SLC9A7: variants seen among roughly 807,000 people sequenced by gnomAD.
SLC9A7 encodes the protein solute carrier family 9 member A7.
A neutral mutation model predicts 52.6 loss-of-function variants in SLC9A7; 19 were observed. That is an observed-to-expected ratio of 0.36 (90% CI 0.25 to 0.53). SLC9A7 has a LOEUF of 0.53. SLC9A7 is among the 20% of genes least tolerant of loss of function. The pLI, the probability that SLC9A7 is intolerant of heterozygous loss-of-function variation, is 0.91. For synonymous variants in SLC9A7, 226 were observed against 252.1 expected, an observed-to-expected ratio of 0.90 and a Z score of 0.98; for missense variants, 455 against 597.9, an observed-to-expected ratio of 0.76 and a Z score of 2.49.
chrX:46,656,806 T>C (rs1266317391), intron 7 of SLC9A7, among the ~76,000 whole-genome samples: 6 of 109,459 alleles, frequency 5.5e-5, no homozygotes, highest in Non-Finnish European at 1.1e-4. Context: ...CTGCAGGATA[T>C]TATCCAGGAG....
chrX:46,696,612 CA>C (rs1287840449), intron 1 of SLC9A7, among the ~76,000 whole-genome samples: 2 of 110,906 alleles, frequency 1.8e-5, no homozygotes, highest in Non-Finnish European at 3.8e-5. Flanking sequence ...TGCATGCATT[CA>C]AAAAATATTT....
chrX:46,618,626 C>T (rs764551475), intron 15 of SLC9A7, among the ~76,000 whole-genome samples: 2 of 112,131 alleles, frequency 1.8e-5, no homozygotes, highest in Non-Finnish European at 3.8e-5. Context: ...TGGATTAAGA[C>T]CTTTTGTTCA....
At chrX:46,635,735 C>A (rs1280160751) in intron 12 of SLC9A7, 87 bp from the exon 13 acceptor site, 2 of 659,906 alleles carry the variant, frequency 3.0e-6, no homozygotes, top group Admixed American at 2.7e-5. Context: ...CCATGTCCAC[C>A]AGAGAATATT....
intron 1 of SLC9A7, among the ~76,000 whole-genome samples, chrX:46,723,035 C>T (rs920135341): frequency 4.5e-5 from 5 of 110,777 alleles, no homozygotes; most frequent in Admixed American, 9.6e-5. Flanking sequence ...CTTACAATGC[C>T]GACCTAGAAA....
rs187387973 is a variant in SLC9A7, at chrX:46,677,840, G to T, written c.603+1838C>A. Among the ~76,000 whole-genome samples, 6 of 111,719 alleles carry T rather than the reference G, an allele frequency of 5.4e-5. No homozygotes were observed. The East Asian group carries it at 1.4e-3, about 26-fold the overall frequency. On this transcript the variant is annotated intron_variant, in intron 3 of 16. Coordinates refer to ENST00000616978, the MANE Select transcript of SLC9A7 (RefSeq NM_001257291.2). ...TATAATTCACCAGTAAAGCCATATGGGTGTGTGGAAAGGTTTTTCATTATA... is the reference window on the plus strand; with the variant it reads ...TATAATTCACCAGTAAAGCCATATGTGTGTGTGGAAAGGTTTTTCATTATA...
In SLC9A7 at chrX:46,759,037, G is replaced by A. The variant is rs1422354802; in HGVS notation, c.-8C>T. The A allele has an allele frequency of 1.1e-5, 10 of 923,577 alleles. No homozygotes were observed. Among genetic ancestry groups the A allele is most frequent in the African/African-American group, 2.1e-5 (1 of 47,677 alleles). 76.1% of individuals were successfully genotyped at this position (923,577 alleles called of 1,213,427 possible). A position where few individuals can be genotyped will look rare whatever the true frequency, so the allele number is the denominator to read the frequency against. ...CGCGTCACCAGGCTCCATGGTCCCG[G>A]GGCCCCCCGCGCCTCCTCCGAGCGG... On this transcript the variant is annotated 5_prime_UTR_variant, in exon 1 of 17. Transcript: ENST00000616978.
intron 1 of SLC9A7, among the ~76,000 whole-genome samples, chrX:46,744,694 T>C (rs1289072289): frequency 2.7e-5 from 3 of 111,939 alleles, no homozygotes; most frequent in African/African-American, 9.7e-5. Flanking sequence ...TAACAAAACA[T>C]AGCGCTTAAC....
At chrX:46,726,301 C>T (rs1302254433) in intron 1 of SLC9A7, among the ~76,000 whole-genome samples, 1 of 111,430 alleles carries the variant, frequency 9.0e-6, no homozygotes, top group Non-Finnish European at 1.9e-5. Context: ...TGGAATGGTG[C>T]CTGGCATATA....
intron 1 of SLC9A7, among the ~76,000 whole-genome samples, chrX:46,731,296 TA>T (rs34091573): frequency 3.8e-3 from 391 of 101,880 alleles, no homozygotes; most frequent in African/African-American, 9.4e-3. Context: ...CCAGGCATCT[TA>T]AAAAAAAAAA....
At chrX:46,667,182 A>C (rs1943935617) in intron 5 of SLC9A7, among the ~76,000 whole-genome samples, 1 of 111,170 alleles carries the variant, frequency 9.0e-6, no homozygotes. Context: ...CATCATTTCT[A>C]CTTTATATAT....
At chrX:46,700,179 G>A (rs1944509925) in intron 1 of SLC9A7, among the ~76,000 whole-genome samples, 1 of 111,315 alleles carries the variant, frequency 9.0e-6, no homozygotes, top group South Asian at 3.8e-4. Context: ...TAGGTCCAAG[G>A]CCCTTTGGAA....
At chrX:46,641,129 T>G (rs1366994420) in intron 12 of SLC9A7, among the ~76,000 whole-genome samples, 3 of 112,541 alleles carry the variant, frequency 2.7e-5, no homozygotes, top group African/African-American at 9.7e-5. Flanking sequence ...CTTGAAACTA[T>G]CCAAATGTCC....
chrX:46,640,602 C>T, intron 12 of SLC9A7, among the ~76,000 whole-genome samples: 1 of 112,026 alleles, frequency 8.9e-6, no homozygotes, highest in African/African-American at 3.2e-5. Flanking sequence ...GATTAAAAGA[C>T]AAGCTACACA....
intron 4 of SLC9A7, among the ~76,000 whole-genome samples, chrX:46,671,916 G>A (rs1054379781): frequency 8.9e-6 from 1 of 111,853 alleles, no homozygotes; most frequent in Non-Finnish European, 1.9e-5. Flanking sequence ...GGGAGTGGGA[G>A]GGGACTGAGC....
At chrX:46,672,089 T>C (rs760950616) in intron 4 of SLC9A7, among the ~76,000 whole-genome samples, 6 of 112,167 alleles carry the variant, frequency 5.3e-5, no homozygotes, top group Non-Finnish European at 9.4e-5. Flanking sequence ...TCTAATGCAA[T>C]GTTATTTGTT....
chrX:46,659,371 A>T (rs1235705295), intron 7 of SLC9A7, among the ~76,000 whole-genome samples: 5 of 86,099 alleles, frequency 5.8e-5, no homozygotes, highest in African/African-American at 2.2e-4. Flanking sequence ...AGTTCTGGCC[A>T]GGGCAATTAG....
At chrX:46,694,194 G>A (rs934756862) in intron 1 of SLC9A7, among the ~76,000 whole-genome samples, 2 of 109,101 alleles carry the variant, frequency 1.8e-5, no homozygotes, top group South Asian at 7.9e-4. Flanking sequence ...AGACTGAGGT[G>A]GGAGGACCAC....
chrX:46,647,327 C>T (rs925867062), intron 11 of SLC9A7: 1 of 145,260 alleles, frequency 6.9e-6, no homozygotes, highest in Admixed American at 7.3e-5. Context: ...AGCTGGTAGG[C>T]GGCAGTGGTG....
chrX:46,651,265 C>T, intron 9 of SLC9A7, 42 bp from the exon 10 acceptor site: 6 of 1,176,886 alleles, frequency 5.1e-6, no homozygotes, highest in Non-Finnish European at 5.8e-6. Flanking sequence ...CCTGCAGTTC[C>T]CCCTTCCCTG....
Sources: allele counts gnomAD v4.1 joint callset (sites outside exome capture counted in the v4.1 genomes callset), GRCh38; gene constraint gnomAD v4.1.1; transcripts MANE v1.5; gene names NCBI Gene and HGNC (gene_info 2026-07-23, HGNC 2026-07-21).